The following ZDHHC15 variants were observed in gnomAD, a reference collection of about 807,000 sequenced individuals.
The protein encoded by ZDHHC15 is palmitoyltransferase ZDHHC15.
In ZDHHC15, 19 loss-of-function variants were observed where a neutral mutation model predicts 31.7. That is an observed-to-expected ratio of 0.60 (90% CI 0.42 to 0.88). The LOEUF is 0.88. Among genes scored for constraint, ZDHHC15 ranks in the 40% least tolerant of loss-of-function variants. The probability of loss-of-function intolerance (pLI) is 0.00; values close to 1 mark genes in which losing one functional copy is unlikely to be tolerated. For synonymous variants in ZDHHC15, 103 were observed against 90.0 expected (o/e 1.14, Z -0.82); for missense variants, 209 against 251.2 (o/e 0.83, Z 1.14).
At chrX:75,448,428 G>A (rs1211499516) in intron 4 of ZDHHC15, among the ~76,000 whole-genome samples, 1 of 112,142 alleles carries the variant, frequency 8.9e-6, no homozygotes, top group Non-Finnish European at 1.9e-5. Flanking sequence ...TCCTTCTTAT[G>A]TTGTTATGAA....
intron 4 of ZDHHC15, among the ~76,000 whole-genome samples, chrX:75,449,919 C>G (rs1229618860): frequency 1.8e-5 from 2 of 111,358 alleles, no homozygotes; most frequent in Non-Finnish European, 3.8e-5. Flanking sequence ...GCAGATGAAA[C>G]CTAAGAGTAA....
intron 3 of ZDHHC15, among the ~76,000 whole-genome samples, chrX:75,478,448 T>A (rs1319964677): frequency 1.8e-5 from 2 of 111,461 alleles, no homozygotes; most frequent in Admixed American, 9.6e-5. Context: ...AGTGGCACCA[T>A]CACAGGTCAC....
At position 75,496,496 on chromosome X, in the gene ZDHHC15, C is replaced by A. The variant is rs966618448; in HGVS notation, c.163+9325G>T. Among the ~76,000 whole-genome samples the A allele has an allele frequency of 5.4e-5, 6 of 111,478 alleles. No homozygotes were observed. In the East Asian group the frequency reaches 1.1e-3, roughly 21 times the overall value. ...CAATGTATTTAAGCTATATACCCTA[C>A]AACAAATGGAATTAACAGATATTTA... On this transcript the variant is annotated intron_variant, in intron 2 of 11. Coordinates refer to ENST00000373367, the MANE Select transcript of ZDHHC15 (RefSeq NM_144969.3).
intron 2 of ZDHHC15, among the ~76,000 whole-genome samples, 159 bp downstream of exon 2, chrX:75,505,662 A>C (rs944099212): frequency 1.8e-5 from 2 of 111,151 alleles, no homozygotes; most frequent in Non-Finnish European, 3.8e-5. Context: ...GTTTTTCTCT[A>C]TCTCTGTGTA....
At position 75,456,124 on chromosome X, in the gene ZDHHC15, C is replaced by T. The variant is rs1404087060; in HGVS notation, c.259-5202G>A. Among the ~76,000 whole-genome samples the T allele has an allele frequency of 2.2e-4, 24 of 111,597 alleles. No individual in the cohort carries two copies. In the Admixed American group the frequency reaches 2.3e-3, roughly 11 times the overall value. On this transcript the variant is annotated intron_variant, in intron 3 of 11. Coordinates refer to ENST00000373367, the MANE Select transcript of ZDHHC15 (RefSeq NM_144969.3). Reference sequence around the variant, plus strand: ...AACCCAAATGTCCATCAATGATAGACTGGATTAAGAAAATGTGGCACATAT... The same window carrying T: ...AACCCAAATGTCCATCAATGATAGATTGGATTAAGAAAATGTGGCACATAT...
At position 75,491,665 on chromosome X, in the gene ZDHHC15, C is replaced by T. The variant is rs781377861; in HGVS notation, c.164-12680G>A. 4.5e-5 allele frequency among the ~76,000 whole-genome samples: 5 copies of T among 110,689 alleles called. No homozygotes were observed. In the East Asian group the frequency reaches 1.4e-3, roughly 31 times the overall value. ...AGAAAAAAAAGAAAAGAATTTTCAA[C>T]CCAGAATTTCATATCCAGCCAAACT... On this transcript the variant is annotated intron_variant, in intron 2 of 11. Coordinates refer to ENST00000373367, the MANE Select transcript of ZDHHC15 (RefSeq NM_144969.3).
chrX:75,446,737 C>G (rs775341327), intron 4 of ZDHHC15, among the ~76,000 whole-genome samples: 4 of 111,090 alleles, frequency 3.6e-5, no homozygotes, highest in African/African-American at 1.3e-4. Flanking sequence ...ATAGATAGTG[C>G]TTTCTTGCTG....
intron 3 of ZDHHC15, among the ~76,000 whole-genome samples, chrX:75,456,562 A>T (rs923481455): frequency 9.0e-6 from 1 of 111,648 alleles, no homozygotes; most frequent in Non-Finnish European, 1.9e-5. Flanking sequence ...GATGCTGTCA[A>T]GGATGTGGAG....
Position 75,436,425 on chromosome X carries a change from A to G in ZDHHC15, c.380-4905T>C, listed in dbSNP as rs1443272716. Among the ~76,000 whole-genome samples, 4 of 111,571 alleles carry G rather than the reference A, an allele frequency of 3.6e-5. No homozygotes were observed. In the East Asian group the frequency reaches 1.1e-3, roughly 31 times the overall value. Reference sequence around the variant, plus strand: ...CTTTAGTTCCTTGAGGTGTAAGCTTAGATTGTCCATTTGTGCTCTTTCAGA... The same window carrying G: ...CTTTAGTTCCTTGAGGTGTAAGCTTGGATTGTCCATTTGTGCTCTTTCAGA... On this transcript the variant is annotated intron_variant, in intron 4 of 11. Transcript: ENST00000373367.
chrX:75,452,605 C>T (rs1414387256), intron 3 of ZDHHC15, among the ~76,000 whole-genome samples: 5 of 111,636 alleles, frequency 4.5e-5, no homozygotes, highest in East Asian at 2.8e-4. Flanking sequence ...AGCACCACAT[C>T]GCACTTATTC....
intron 2 of ZDHHC15, among the ~76,000 whole-genome samples, chrX:75,489,203 C>T (rs1310158645): frequency 3.6e-5 from 4 of 112,001 alleles, no homozygotes; most frequent in Non-Finnish European, 7.5e-5. Flanking sequence ...GAATCCTCTG[C>T]AGACTTAAAT....
intron 5 of ZDHHC15, among the ~76,000 whole-genome samples, chrX:75,430,539 T>C (rs1007127401): frequency 7.2e-5 from 8 of 111,846 alleles, no homozygotes; most frequent in African/African-American, 2.6e-4. Flanking sequence ...AATAAATAAA[T>C]GAAGAGAAGA....
chrX:75,474,276 C>T (rs187710770), intron 3 of ZDHHC15, among the ~76,000 whole-genome samples: 31 of 109,534 alleles, frequency 2.8e-4, no homozygotes, highest in African/African-American at 9.3e-4. Flanking sequence ...CTCCAAGCCT[C>T]GATCTTTCTC....
intron 2 of ZDHHC15, among the ~76,000 whole-genome samples, chrX:75,483,984 C>G (rs939016507): frequency 9.0e-6 from 1 of 111,565 alleles, no homozygotes. Context: ...TTGATGCAAC[C>G]AATAATTCCT....
chrX:75,470,467 C>A (rs1381356170), intron 3 of ZDHHC15, among the ~76,000 whole-genome samples: 2 of 110,954 alleles, frequency 1.8e-5, no homozygotes, highest in Non-Finnish European at 3.8e-5. Context: ...ATGTGGAGAA[C>A]CAAGGAACAT....
At chrX:75,405,371 A>G (rs1367273873) in intron 10 of ZDHHC15, among the ~76,000 whole-genome samples, 2 of 110,937 alleles carry the variant, frequency 1.8e-5, no homozygotes, top group African/African-American at 6.6e-5. Context: ...TGTACCACCA[A>G]ACCTAAAATA....
chrX:75,448,164 C>T (rs2084059328), intron 4 of ZDHHC15, among the ~76,000 whole-genome samples: 1 of 112,310 alleles, frequency 8.9e-6, no homozygotes, highest in South Asian at 3.7e-4. Context: ...TAGGGCATCT[C>T]TTAGTATTAC....
intron 10 of ZDHHC15, among the ~76,000 whole-genome samples, chrX:75,414,586 C>T (rs908394039): frequency 1.2e-5 from 1 of 80,379 alleles, no homozygotes; most frequent in Non-Finnish European, 2.4e-5. Context: ...CCCGCAACCA[C>T]GTCTGGCTAT....
At chrX:75,497,164 T>C (rs1444361838) in intron 2 of ZDHHC15, among the ~76,000 whole-genome samples, 3 of 111,147 alleles carry the variant, frequency 2.7e-5, no homozygotes, top group Non-Finnish European at 3.8e-5. Context: ...TTACAACTGA[T>C]AGCACAGAAA....
Sources: allele counts gnomAD v4.1 joint callset (sites outside exome capture counted in the v4.1 genomes callset), GRCh38; gene constraint gnomAD v4.1.1; transcripts MANE v1.5; gene names NCBI Gene and HGNC (gene_info 2026-07-23, HGNC 2026-07-21).